The following TANC2 variants were observed in gnomAD, a reference collection of about 807,000 sequenced individuals.
The protein encoded by TANC2 is tetratricopeptide repeat, ankyrin repeat and coiled-coil containing 2.
In TANC2, 26 loss-of-function variants were observed where a neutral mutation model predicts 210.5. The ratio of observed to expected loss-of-function variants is 0.12; its 90% CI spans 0.09 to 0.17. TANC2 has a LOEUF of 0.17. Among genes scored for constraint, TANC2 ranks in the 10% least tolerant of loss-of-function variants. TANC2 has a pLI of 1.00. For missense variants in TANC2, 2,129 were observed against 2,608.9 expected (o/e 0.82, Z 4.01); for synonymous variants, 931 against 967.1 (o/e 0.96, Z 0.69).
intron 14 of TANC2, among the ~76,000 whole-genome samples, chr17:63,364,788 A>T (rs906543388): frequency 2.1e-5 from 3 of 144,452 alleles, no homozygotes; most frequent in Non-Finnish European, 4.6e-5. Flanking sequence ...CCTGACTCTT[A>T]AAAAAAAAAA....
intron 14 of TANC2, among the ~76,000 whole-genome samples, chr17:63,368,215 T>C (rs961008399): frequency 2.0e-5 from 3 of 152,182 alleles, no homozygotes; most frequent in African/African-American, 4.8e-5. Context: ...CTAACCAACA[T>C]AGAACTTTCT....
At chr17:63,248,118 C>A (rs935192103) in intron 8 of TANC2, among the ~76,000 whole-genome samples, 1 of 152,052 alleles carries the variant, frequency 6.6e-6, no homozygotes, top group Non-Finnish European at 1.5e-5. Context: ...TAAATGATTA[C>A]GTATCTAAAC....
intron 1 of TANC2, among the ~76,000 whole-genome samples, chr17:63,005,900 G>T (rs561478052): frequency 3.7e-4 from 22 of 60,154 alleles, no homozygotes; most frequent in Admixed American, 1.3e-3. Context: ...TATAGTTTGT[G>T]TGTGTGTGTG....
Position 63,309,057 on chromosome 17 carries a change from A to G in TANC2, c.1160-5331A>G, listed in dbSNP as rs114956059. Among the ~76,000 whole-genome samples the G allele has an allele frequency of 8.4e-3, 1,280 of 152,122 alleles. 15 individuals carry two copies. The highest frequency in any genetic ancestry group is 0.028 in the African/African-American group (1,171 of 41,498). On this transcript the variant is annotated intron_variant, in intron 9 of 27. Coordinates refer to ENST00000689528, the Ensembl canonical transcript of TANC2. ...ATTTCATAAATACTTCCACATTTCC[A>G]TGATTCTGGAAAGTATTCCTTTCTA...
intron 3 of TANC2, among the ~76,000 whole-genome samples, chr17:63,078,839 C>T (rs999988674): frequency 9.2e-5 from 14 of 152,036 alleles, no homozygotes; most frequent in African/African-American, 2.9e-4. Flanking sequence ...GTTCTGTGTG[C>T]GCTTTAAAAG....
At chr17:62,984,736 G>A (rs1468684824) in intron 1 of TANC2, among the ~76,000 whole-genome samples, 1 of 151,970 alleles carries the variant, frequency 6.6e-6, no homozygotes, top group Non-Finnish European at 1.5e-5. Flanking sequence ...TTCTGGAGCA[G>A]GTTGTTTTAT....
chr17:63,194,051 T>C (rs1434782515), exon 6 of TANC2: 1 of 1,613,170 alleles, frequency 6.2e-7, no homozygotes, highest in Admixed American at 1.7e-5. Flanking sequence ...AACACACTCA[T>C]GACTCGTCTG....
intron 19 of TANC2, among the ~76,000 whole-genome samples, chr17:63,402,360 T>G (rs190176838): frequency 6.6e-6 from 1 of 152,330 alleles, no homozygotes; most frequent in African/African-American, 2.4e-5. Flanking sequence ...TATTAACATA[T>G]TCGTCTGTTT....
intron 8 of TANC2, among the ~76,000 whole-genome samples, chr17:63,261,523 G>A (rs1273810135): frequency 6.6e-6 from 1 of 152,130 alleles, no homozygotes; most frequent in Non-Finnish European, 1.5e-5. Context: ...CTAAGAACAA[G>A]GCACTGGTCA....
At chr17:63,084,636 T>C (rs1231393912) in intron 3 of TANC2, among the ~76,000 whole-genome samples, 1 of 152,108 alleles carries the variant, frequency 6.6e-6, no homozygotes, top group Non-Finnish European at 1.5e-5. Context: ...TTAAGCACTA[T>C]AAATTTCAGT....
intron 3 of TANC2, among the ~76,000 whole-genome samples, chr17:63,097,913 T>G (rs916109275): frequency 6.6e-6 from 1 of 152,232 alleles, no homozygotes; most frequent in African/African-American, 2.4e-5. Flanking sequence ...TGACGTATCT[T>G]CCAGTTTACT....
At chr17:63,415,461 G>A (rs2048828550) in intron 25 of TANC2, 67 bp from the exon 26 acceptor site, 2 of 1,578,178 alleles carry the variant, frequency 1.3e-6, no homozygotes, top group African/African-American at 1.4e-5. Flanking sequence ...AGAAGGGAGT[G>A]GGGACCACAC....
chr17:63,227,560 A>G (rs2042360532), intron 7 of TANC2, among the ~76,000 whole-genome samples: 3 of 152,134 alleles, frequency 2.0e-5, no homozygotes, highest in African/African-American at 7.2e-5. Flanking sequence ...ATAGGTTGTC[A>G]GTTCACTCTG....
intron 2 of TANC2, among the ~76,000 whole-genome samples, chr17:63,025,513 G>A (rs1411085707): frequency 2.0e-5 from 3 of 151,946 alleles, no homozygotes; most frequent in Admixed American, 6.6e-5. Context: ...AAGAGATCAC[G>A]GGGCAGGCAT....
In TANC2 at chr17:63,419,979, G is replaced by GT. The variant is rs377115547; in HGVS notation, c.4269-18dup. The stretch of plus-strand genomic sequence containing the variant: ...GATTCAGAATAACTCCAGTTCCTGT[G>GT]TTCACATTTTGTCAAGCAGACAGTT... On this transcript the variant is annotated intron_variant, in intron 27 of 27. Coordinates refer to ENST00000689528, the Ensembl canonical transcript of TANC2. The GT allele has an allele frequency of 6.5e-3, 9,916 of 1,520,758 alleles. 49 individuals are homozygous for GT. Among genetic ancestry groups the GT allele is most frequent in the South Asian group, 0.01 (831 of 79,384 alleles). 94.2% of individuals were successfully genotyped at this position (1,520,758 alleles called of 1,614,324 possible).
At chr17:63,243,744 C>G (rs1030676899) in intron 8 of TANC2, among the ~76,000 whole-genome samples, 6 of 152,000 alleles carry the variant, frequency 3.9e-5, no homozygotes, top group African/African-American at 1.5e-4. Context: ...GATTTATACT[C>G]ATGAGAAGAC....
chr17:63,201,039 T>G, intron 7 of TANC2, 82 bp downstream of exon 7: 1 of 1,324,188 alleles, frequency 7.6e-7, no homozygotes, highest in Non-Finnish European at 1.0e-6. Context: ...TTTTTAAAAA[T>G]TCTGCTTTTG....
chr17:63,341,165 A>G (rs1194854018), intron 12 of TANC2, among the ~76,000 whole-genome samples: 1 of 152,244 alleles, frequency 6.6e-6, no homozygotes, highest in Non-Finnish European at 1.5e-5. Context: ...TAATAAGGAA[A>G]GATGGTTTAT....
intron 1 of TANC2, among the ~76,000 whole-genome samples, chr17:62,981,790 A>C (rs2032314729): frequency 6.6e-6 from 1 of 152,208 alleles, no homozygotes; most frequent in Non-Finnish European, 1.5e-5. Flanking sequence ...ATAATTCATT[A>C]GAACAACTGA....
Sources: gnomAD v4.1 joint callset for allele counts (sites outside exome capture counted in the v4.1 genomes callset) on GRCh38, gnomAD v4.1.1 for gene constraint, MANE v1.5 for transcripts, NCBI Gene and HGNC (gene_info 2026-07-23, HGNC 2026-07-21) for gene names.